Variants in FSTL5 observed in about 807,000 individuals in gnomAD.
FSTL5 encodes the protein follistatin like 5.
A neutral mutation model predicts 89.1 loss-of-function variants in FSTL5; 62 were observed. The ratio of observed to expected loss-of-function variants is 0.70; its 90% CI spans 0.57 to 0.86. FSTL5 has a LOEUF of 0.86. Among genes scored for constraint, FSTL5 ranks in the 40% least tolerant of loss-of-function variants. The pLI is 0.00. For synonymous variants in FSTL5, 383 were observed against 346.2 expected, an observed-to-expected ratio of 1.11 and a Z score of -1.18; for missense variants, 1,057 against 1,001.6, an observed-to-expected ratio of 1.06 and a Z score of -0.75.
Position 162,090,637 on chromosome 4 carries a change from A to G in FSTL5, c.126+20634T>C, listed in dbSNP as rs553684191. Among the ~76,000 whole-genome samples the G allele has an allele frequency of 7.2e-5, 11 of 152,154 alleles. No individual in the cohort carries two copies. In the East Asian group the frequency reaches 1.9e-3, roughly 27 times the overall value. ...GGAGTTCGAGACTAGCCTGGCCAACAGCGTGAAATCCCATCTCTGCTAAAA... is the reference window on the plus strand; with the variant it reads ...GGAGTTCGAGACTAGCCTGGCCAACGGCGTGAAATCCCATCTCTGCTAAAA... On this transcript the variant is annotated intron_variant, in intron 2 of 15. Coordinates refer to ENST00000306100, the MANE Select transcript of FSTL5 (RefSeq NM_020116.5).
At chr4:161,501,094 A>G (rs1730278889) in intron 11 of FSTL5, among the ~76,000 whole-genome samples, 1 of 152,192 alleles carries the variant, frequency 6.6e-6, no homozygotes, top group South Asian at 2.1e-4. Context: ...ATTCAGTGAT[A>G]GCATGTTCTC....
chr4:162,055,982 C>G (rs1388332504), intron 2 of FSTL5, among the ~76,000 whole-genome samples: 1 of 151,670 alleles, frequency 6.6e-6, no homozygotes, highest in East Asian at 1.9e-4. Flanking sequence ...AAACAAAACT[C>G]TTAAATTTTT....
intron 7 of FSTL5, among the ~76,000 whole-genome samples, chr4:161,598,013 A>G (rs571671417): frequency 1.3e-5 from 2 of 152,342 alleles, no homozygotes; most frequent in East Asian, 1.9e-4. Flanking sequence ...ATAGAACTCA[A>G]TATTTTAAAG....
intron 1 of FSTL5, among the ~76,000 whole-genome samples, chr4:162,150,409 A>G (rs1292744722): frequency 6.8e-6 from 1 of 147,682 alleles, no homozygotes; most frequent in African/African-American, 2.4e-5. Context: ...AGTTTTATCA[A>G]AATAAATTAA....
chr4:161,890,109 T>A (rs1419720679), intron 4 of FSTL5, among the ~76,000 whole-genome samples: 1 of 152,204 alleles, frequency 6.6e-6, no homozygotes, highest in Admixed American at 6.5e-5. Context: ...CTCTTTTCTA[T>A]CTGTGTCAGT....
intron 6 of FSTL5, among the ~76,000 whole-genome samples, chr4:161,727,519 T>A (rs2126758771): frequency 6.6e-6 from 1 of 152,336 alleles, no homozygotes; most frequent in Non-Finnish European, 1.5e-5. Context: ...CCATTTCACC[T>A]TAGTCATTTT....
At chr4:161,971,010 T>C (rs949967230) in intron 3 of FSTL5, among the ~76,000 whole-genome samples, 3 of 151,634 alleles carry the variant, frequency 2.0e-5, no homozygotes, top group Non-Finnish European at 2.9e-5. Flanking sequence ...ATTAAGGAAT[T>C]ACTTTTTCAT....
In FSTL5 at chr4:162,111,320, CCTT is replaced by C. The variant is rs1462218438; in HGVS notation, c.74_76del (p.Glu25del). The C allele has an allele frequency of 2.5e-6, 4 of 1,611,916 alleles. No individual in the cohort carries two copies. The highest frequency in any genetic ancestry group is 3.4e-6 in the Non-Finnish European group (4 of 1,178,460). On this transcript the variant is annotated inframe_deletion, in exon 2 of 16. Transcript: ENST00000306100. ...CTGATAGGATTTAAGGCCATATCCTCCTTCTTTGGTTGGCCTTCCTTCCGACTC... is the reference window on the plus strand; with the variant it reads ...CTGATAGGATTTAAGGCCATATCCTCCTTTGGTTGGCCTTCCTTCCGACTC...
At chr4:161,660,763 T>G (rs1014706070) in intron 6 of FSTL5, among the ~76,000 whole-genome samples, 1 of 152,156 alleles carries the variant, frequency 6.6e-6, no homozygotes, top group African/African-American at 2.4e-5. Context: ...CTAAGGATTA[T>G]GGTCTCCAGC....
intron 11 of FSTL5, among the ~76,000 whole-genome samples, chr4:161,501,003 G>A (rs998592019): frequency 2.0e-5 from 3 of 151,966 alleles, no homozygotes; most frequent in African/African-American, 7.3e-5. Context: ...TTCCTTTTCT[G>A]GTCCTTGCCT....
At chr4:161,833,016 T>A (rs1261228902) in intron 4 of FSTL5, among the ~76,000 whole-genome samples, 3 of 150,994 alleles carry the variant, frequency 2.0e-5, no homozygotes, top group Non-Finnish European at 4.4e-5. Flanking sequence ...TTGTGGGCAT[T>A]TAGTGCTATA....
chr4:161,527,407 C>G (rs1164066665), intron 10 of FSTL5, among the ~76,000 whole-genome samples: 2 of 152,072 alleles, frequency 1.3e-5, no homozygotes, highest in Non-Finnish European at 2.9e-5. Flanking sequence ...TGACAAAGGG[C>G]TAATAGCCAG....
chr4:161,412,813 C>T lies in FSTL5; in HGVS notation c.1842-26364G>A, dbSNP rs922368814. On this transcript the variant is annotated intron_variant, in intron 15 of 15. Coordinates refer to ENST00000306100, the MANE Select transcript of FSTL5 (RefSeq NM_020116.5). The stretch of plus-strand genomic sequence containing the variant: ...CAAGGCCAAGAAAACAAAAAAGCAA[C>T]GTGGAAAGGACTTGCTATTCAATAT... Among the ~76,000 whole-genome samples the T allele has an allele frequency of 4.6e-5, 7 of 152,114 alleles. No individual in the cohort carries two copies. In the East Asian group the frequency reaches 5.8e-4, roughly 13 times the overall value.
intron 3 of FSTL5, among the ~76,000 whole-genome samples, chr4:161,949,511 T>C (rs1438047059): frequency 1.3e-5 from 2 of 152,092 alleles, no homozygotes; most frequent in Non-Finnish European, 2.9e-5. Flanking sequence ...GTTTACTGCA[T>C]TTTACCAGAT....
intron 15 of FSTL5, among the ~76,000 whole-genome samples, chr4:161,404,507 A>G (rs966382411): frequency 3.1e-4 from 47 of 152,210 alleles, no homozygotes; most frequent in African/African-American, 1.0e-3. Flanking sequence ...TAACAGTGGA[A>G]AGAATGCCTC....
chr4:162,145,068 A>ATTAATTGT (rs1216650963), intron 1 of FSTL5, among the ~76,000 whole-genome samples: 1 of 133,966 alleles, frequency 7.5e-6, no homozygotes, highest in African/African-American at 2.7e-5. Flanking sequence ...TACAATATAC[A>ATTAATTGT]ATGTATATTC....
chr4:162,088,695 GAAAA>G (rs1730419294), intron 2 of FSTL5, among the ~76,000 whole-genome samples: 1 of 151,944 alleles, frequency 6.6e-6, no homozygotes, highest in Non-Finnish European at 1.5e-5. Context: ...TAATTTTGTA[GAAAA>G]AAGTAACTAC....
intron 7 of FSTL5, among the ~76,000 whole-genome samples, chr4:161,647,621 T>C (rs1736196526): frequency 6.6e-6 from 1 of 152,064 alleles, no homozygotes; most frequent in South Asian, 2.1e-4. Flanking sequence ...TAAAACATCA[T>C]GCTGATAGTT....
intron 6 of FSTL5, among the ~76,000 whole-genome samples, chr4:161,722,636 C>T (rs998976601): frequency 1.3e-5 from 2 of 152,132 alleles, no homozygotes; most frequent in African/African-American, 4.8e-5. Context: ...GCAGAACTAA[C>T]CCTGTGGCAC....
Sources: gnomAD v4.1 joint callset for allele counts (sites outside exome capture counted in the v4.1 genomes callset) on GRCh38, gnomAD v4.1.1 for gene constraint, MANE v1.5 for transcripts, NCBI Gene and HGNC (gene_info 2026-07-23, HGNC 2026-07-21) for gene names.